Variants in DIP2C observed in about 807,000 individuals in gnomAD.
DIP2C encodes the protein disco-interacting protein 2 homolog C.
A neutral mutation model predicts 192.4 loss-of-function variants in DIP2C; 33 were observed. That is an observed-to-expected ratio of 0.17 (90% CI 0.13 to 0.23). DIP2C has a LOEUF of 0.23. Among genes scored for constraint, DIP2C ranks in the 10% least tolerant of loss-of-function variants. DIP2C has a pLI of 1.00. For missense variants in DIP2C, 1,537 were observed against 2,110.1 expected (o/e 0.73, Z 5.32); for synonymous variants, 979 against 864.1 (o/e 1.13, Z -2.33).
At chr10:668,371 A>G (rs893802994) in intron 1 of DIP2C, 4 of 152,302 alleles carry the variant, frequency 2.6e-5, no homozygotes, top group African/African-American at 9.7e-5. Context: ...GATACAACAT[A>G]CAACACATGG....
chr10:482,874 C>T (rs1028709850), intron 2 of DIP2C, among the ~76,000 whole-genome samples: 1 of 152,194 alleles, frequency 6.6e-6, no homozygotes, highest in Admixed American at 6.5e-5. Context: ...GGGTTTGAAC[C>T]GCAGAAGGGT....
intron 1 of DIP2C, among the ~76,000 whole-genome samples, chr10:515,251 C>T (rs1398496275): frequency 6.6e-6 from 1 of 152,094 alleles, no homozygotes; most frequent in Non-Finnish European, 1.5e-5. Flanking sequence ...AAAGAATAAC[C>T]ATAAATGGAT....
At chr10:410,930 C>G (rs1448700238) in intron 8 of DIP2C, among the ~76,000 whole-genome samples, 1 of 152,228 alleles carries the variant, frequency 6.6e-6, no homozygotes, top group Non-Finnish European at 1.5e-5. Flanking sequence ...TGTGTGATGT[C>G]AGCACTATTG....
chr10:288,310 T>TA, intron 33 of DIP2C, 54 bp downstream of exon 33: 1 of 1,528,176 alleles, frequency 6.5e-7, no homozygotes, highest in East Asian at 2.3e-5. Context: ...TCAAAGCCCA[T>TA]ACAGTCAGAA....
At chr10:428,384 C>T (rs1042875397) in intron 4 of DIP2C, among the ~76,000 whole-genome samples, 6 of 152,210 alleles carry the variant, frequency 3.9e-5, no homozygotes, top group Non-Finnish European at 7.4e-5. Flanking sequence ...GTGAATGTGT[C>T]GTTTCATCCG....
chr10:405,412 A>G (rs1964731033), intron 9 of DIP2C, among the ~76,000 whole-genome samples: 1 of 152,266 alleles, frequency 6.6e-6, no homozygotes, highest in African/African-American at 2.4e-5. Context: ...AGAATATAAA[A>G]TTGTACATTA....
intron 1 of DIP2C, among the ~76,000 whole-genome samples, chr10:631,954 T>G (rs1854544074): frequency 6.6e-6 from 1 of 152,268 alleles, no homozygotes; most frequent in Non-Finnish European, 1.5e-5. Flanking sequence ...CACATGCTGA[T>G]AAACTTCAAA....
intron 1 of DIP2C, among the ~76,000 whole-genome samples, chr10:670,304 GCA>G (rs1244836442): frequency 1.3e-5 from 2 of 151,738 alleles, no homozygotes; most frequent in Non-Finnish European, 1.5e-5. Flanking sequence ...ACACACATAC[GCA>G]CATACATGCA....
At chr10:435,956 C>A (rs1399892948) in intron 4 of DIP2C, among the ~76,000 whole-genome samples, 1 of 150,786 alleles carries the variant, frequency 6.6e-6, no homozygotes, top group Non-Finnish European at 1.5e-5. Context: ...ACTTTGTAGC[C>A]TCATATATAT....
intron 31 of DIP2C, among the ~76,000 whole-genome samples, chr10:314,363 T>A (rs542841317): frequency 6.6e-6 from 1 of 152,222 alleles, no homozygotes; most frequent in Non-Finnish European, 1.5e-5. Context: ...CTAGCCACCC[T>A]GGCCTCTTCC....
rs115929699 is a variant in DIP2C, at chr10:375,085, G to A, written c.1992-5452C>T. ...CCTGTGTATACAATACCACGATGACGTGCAAAAGGGAAACAAAATAAAACT... is the reference window on the plus strand; with the variant it reads ...CCTGTGTATACAATACCACGATGACATGCAAAAGGGAAACAAAATAAAACT... On this transcript the variant is annotated intron_variant, in intron 17 of 36. Transcript: ENST00000280886. 7.4e-3 allele frequency among the ~76,000 whole-genome samples: 1,132 copies of A among 152,346 alleles called. 10 individuals carry two copies. Among genetic ancestry groups the A allele is most frequent in the African/African-American group, 0.026 (1,089 of 41,582 alleles).
At chr10:399,526 A>C (rs1310328323) in intron 9 of DIP2C, among the ~76,000 whole-genome samples, 3 of 152,120 alleles carry the variant, frequency 2.0e-5, no homozygotes. Flanking sequence ...TTTCTCACTA[A>C]GCTTTGTAAA....
intron 5 of DIP2C, among the ~76,000 whole-genome samples, chr10:420,691 G>A (rs918357278): frequency 1.4e-4 from 22 of 152,208 alleles, no homozygotes; most frequent in African/African-American, 4.1e-4. Context: ...CATGTGAGAT[G>A]TCCCTACTTA....
intron 1 of DIP2C, among the ~76,000 whole-genome samples, chr10:558,908 G>GAC (rs772348828): frequency 3.9e-5 from 6 of 152,024 alleles, no homozygotes; most frequent in Admixed American, 6.5e-5. Flanking sequence ...CAGGACCCCA[G>GAC]ACACCACGGA....
Position 558,344 on chromosome 10 carries a change from G to A in DIP2C, c.86-71814C>T, listed in dbSNP as rs376501764. Among the ~76,000 whole-genome samples, 9 of 152,290 alleles carry A rather than the reference G, an allele frequency of 5.9e-5. No individual in the cohort carries two copies. The East Asian group carries it at 1.2e-3, about 20-fold the overall frequency. ...ACCCTGAACCAGGATGGGAGGACTC[G>A]AGTCATGTGTGTGAATAATTTACCT... On this transcript the variant is annotated intron_variant, in intron 1 of 36. Transcript: ENST00000280886.
intron 1 of DIP2C, among the ~76,000 whole-genome samples, chr10:559,843 C>CG (rs1446021910): frequency 2.0e-5 from 3 of 152,214 alleles, no homozygotes; most frequent in Admixed American, 2.0e-4. Flanking sequence ...CAGCACAGCA[C>CG]GGTCCAGCCA....
At chr10:669,552 A>G (rs1857315144) in intron 1 of DIP2C, 1 of 152,274 alleles carries the variant, frequency 6.6e-6, no homozygotes, top group African/African-American at 2.4e-5. Context: ...ATTCAGCCAC[A>G]GAAAATAAAA....
At chr10:541,451 T>C (rs924358970) in intron 1 of DIP2C, among the ~76,000 whole-genome samples, 7 of 148,912 alleles carry the variant, frequency 4.7e-5, no homozygotes, top group Non-Finnish European at 1.0e-4. Context: ...CCGTCTCTCC[T>C]GGACCCCCCC....
At chr10:450,366 TAC>T (rs1968758011) in intron 3 of DIP2C, among the ~76,000 whole-genome samples, 1 of 152,192 alleles carries the variant, frequency 6.6e-6, no homozygotes, top group Non-Finnish European at 1.5e-5. Context: ...GACTCACTTC[TAC>T]AGATTTAAGA....
Sources: gnomAD v4.1 joint callset for allele counts (sites outside exome capture counted in the v4.1 genomes callset) on GRCh38, gnomAD v4.1.1 for gene constraint, MANE v1.5 for transcripts, NCBI Gene and HGNC (gene_info 2026-07-23, HGNC 2026-07-21) for gene names.